QPRT: variants seen among roughly 807,000 people sequenced by gnomAD.
The protein encoded by QPRT is nicotinate-nucleotide pyrophosphorylase [carboxylating].
QPRT carries 17 observed loss-of-function variants against 19.8 expected under a neutral mutation model. The ratio of observed to expected loss-of-function variants is 0.86; its 90% CI spans 0.59 to 1.29. The LOEUF (loss-of-function observed/expected upper bound fraction) is 1.29. Ranked by LOEUF, QPRT falls within the 50% of genes most tolerant of loss-of-function variation. QPRT has a pLI of 0.00. For missense variants in QPRT, 336 were observed against 405.1 expected (o/e 0.83, Z 1.46); for synonymous variants, 178 against 191.0 (o/e 0.93, Z 0.56).
At chr16:29,695,627 T>C (rs1158710238) in intron 2 of QPRT, among the ~76,000 whole-genome samples, 4 of 151,224 alleles carry the variant, frequency 2.6e-5, no homozygotes, top group Admixed American at 6.6e-5. Context: ...GTAGCTGGGA[T>C]TACAGGCGCC....
At chr16:29,681,980 G>A (rs1328429642) in intron 1 of QPRT, among the ~76,000 whole-genome samples, 1 of 151,926 alleles carries the variant, frequency 6.6e-6, no homozygotes, top group Non-Finnish European at 1.5e-5. Flanking sequence ...CTGCCTCCTC[G>A]GCCTCCCAAA....
In QPRT at chr16:29,697,052, C is replaced by T; in HGVS notation, c.606C>T (p.Cys202=). 5 of 1,611,502 alleles carry T rather than the reference C, an allele frequency of 3.1e-6. No homozygotes were observed. Among genetic ancestry groups the T allele is most frequent in the East Asian group, 4.5e-5 (2 of 44,840 alleles). ...ADFTLKVEVE[C]SSLQEAVQAA... ...TCACTCTGAAGGTGGAAGTGGAATG[C>T]AGCAGCCTGCAGGAGGCCGTGCAGG... The change falls in exon 3 of 4, where the codon TGC becomes TGT. Residue 202 remains cysteine, a synonymous_variant. Coordinates refer to ENST00000395384, the MANE Select transcript of QPRT (RefSeq NM_014298.6). The surrounding 1 kb of genome is among the most constrained non-coding windows in gnomAD (Gnocchi z 4.4).
Position 29,695,168 on chromosome 16 carries a change from AC to A in QPRT, c.520del (p.His174MetfsTer23), listed in dbSNP as rs1263633127. 6.4e-7 allele frequency: 1 copy of A among 1,565,626 alleles called. No homozygotes were observed. Among genetic ancestry groups the A allele is most frequent in the Non-Finnish European group, 8.7e-7 (1 of 1,155,310 alleles). On this transcript the variant is annotated frameshift_variant, in exon 2 of 4. Transcript: ENST00000395384. LOFTEE classifies it high-confidence loss of function. ...DLGGLVMVKD[N>X]HVVAAGGVEK... is the part of the protein sequence containing the mutation. The stretch of plus-strand genomic sequence containing the variant: ...GGAGGGCTGGTGATGGTGAAGGATA[AC>A]CATGTGGTGGCCGCCGGTGGCGTGG...
intron 1 of QPRT, among the ~76,000 whole-genome samples, chr16:29,683,199 A>AT (rs112018070): frequency 4.0e-5 from 6 of 151,298 alleles, no homozygotes; most frequent in South Asian, 2.1e-4. Context: ...TAAATTTTGT[A>AT]TTTTTTTAGT....
chr16:29,684,840 G>A (rs1167553611), intron 1 of QPRT, among the ~76,000 whole-genome samples: 1 of 152,234 alleles, frequency 6.6e-6, no homozygotes, highest in Non-Finnish European at 1.5e-5. Context: ...TTCTGTTCTT[G>A]TGAAATGGGA....
chr16:29,682,562 G>A (rs1651152144), intron 1 of QPRT, among the ~76,000 whole-genome samples: 1 of 150,350 alleles, frequency 6.7e-6, no homozygotes, highest in Non-Finnish European at 1.5e-5. Context: ...TTTTTTTTTA[G>A]TAGAGATGGG....
chr16:29,682,515 G>T (rs1967038876), intron 1 of QPRT, among the ~76,000 whole-genome samples: 1 of 151,876 alleles, frequency 6.6e-6, no homozygotes, highest in Non-Finnish European at 1.5e-5. Flanking sequence ...TGGGGATACA[G>T]GTGCCCACCA....
intron 1 of QPRT, among the ~76,000 whole-genome samples, chr16:29,687,208 C>G (rs753403428): frequency 2.1e-4 from 32 of 152,188 alleles, no homozygotes; most frequent in Non-Finnish European, 4.0e-4. Context: ...CCCATCATCA[C>G]AGTCTACGGC....
intron 1 of QPRT, among the ~76,000 whole-genome samples, chr16:29,691,107 G>A (rs1967313393): frequency 6.6e-6 from 1 of 151,078 alleles, no homozygotes; most frequent in East Asian, 2.0e-4. Context: ...GCTCACGCCT[G>A]TAATCCCAGC....
At chr16:29,695,231 C>G (rs1967493268) in intron 2 of QPRT, 32 bp downstream of exon 2, 1 of 1,498,654 alleles carries the variant, frequency 6.7e-7, no homozygotes, top group African/African-American at 1.4e-5. Flanking sequence ...GGTCCAACCC[C>G]ACCCTCAGCA....
intron 1 of QPRT, among the ~76,000 whole-genome samples, chr16:29,691,416 ACTC>A (rs1230941623): frequency 1.4e-5 from 2 of 145,638 alleles, no homozygotes; most frequent in African/African-American, 5.1e-5. Context: ...ACAGTGGCTC[ACTC>A]CTGTAATCCC....
At chr16:29,691,500 T>C (rs988908951) in intron 1 of QPRT, among the ~76,000 whole-genome samples, 2 of 150,124 alleles carry the variant, frequency 1.3e-5, no homozygotes, top group Admixed American at 6.7e-5. Context: ...GGGAATATAG[T>C]GAGACCCCCA....
intron 1 of QPRT, among the ~76,000 whole-genome samples, chr16:29,680,220 T>C (rs934723059): frequency 9.9e-5 from 15 of 152,194 alleles, no homozygotes; most frequent in African/African-American, 3.4e-4. Context: ...CCTCCCAAAG[T>C]GCTGGGATTA....
Position 29,694,649 on chromosome 16 carries a change from C to G in QPRT, c.14-15C>G. The G allele has an allele frequency of 6.6e-7, 1 of 1,516,570 alleles. No individual in the cohort carries two copies. Among genetic ancestry groups the G allele is most frequent in the Non-Finnish European group, 8.8e-7 (1 of 1,133,992 alleles). 93.9% of individuals were successfully genotyped at this position (1,516,570 alleles called of 1,614,324 possible). A position where few individuals can be genotyped will look rare whatever the true frequency, so the allele number is the denominator to read the frequency against. ...GAGGCAGCCAAACTCAACAGCTGTT[C>G]TCTCTTCCCCCCAGGCCTGGCGCTG... On this transcript the variant is annotated splice_polypyrimidine_tract_variant and intron_variant, in intron 1 of 3. Transcript: ENST00000395384.
In QPRT at chr16:29,697,089, G is replaced by C. The variant is rs1967563453; in HGVS notation, c.643G>C (p.Gly215Arg). ...LQEAVQAAEA[G>R]ADLVLLDNFK... is the part of the protein sequence containing the mutation. Reference sequence around the variant, plus strand: ...GGAGGCCGTGCAGGCAGCTGAGGCTGGTGCCGACCTTGTCCTGCTGGACAA... The same window carrying C: ...GGAGGCCGTGCAGGCAGCTGAGGCTCGTGCCGACCTTGTCCTGCTGGACAA... Residue 215 changes from glycine (G) to arginine (R), a missense_variant, in exon 3 of 4, where the codon GGT becomes CGT. Coordinates refer to ENST00000395384, the MANE Select transcript of QPRT (RefSeq NM_014298.6). The surrounding 1 kb of genome is among the most constrained non-coding windows in gnomAD (Gnocchi z 4.4). 3 of 1,611,098 alleles carry C rather than the reference G, an allele frequency of 1.9e-6. No individual in the cohort carries two copies. The highest frequency in any genetic ancestry group is 2.5e-6 in the Non-Finnish European group (3 of 1,178,588).
chr16:29,681,725 CTT>C (rs78056788), intron 1 of QPRT, among the ~76,000 whole-genome samples: 6 of 87,058 alleles, frequency 6.9e-5, no homozygotes, highest in Admixed American at 1.2e-4. Context: ...GATCCAGATT[CTT>C]TTTTTTTTTT....
intron 1 of QPRT, among the ~76,000 whole-genome samples, chr16:29,680,546 C>G (rs1966969214): frequency 2.0e-5 from 3 of 152,182 alleles, no homozygotes; most frequent in South Asian, 2.1e-4. Flanking sequence ...GGTCCATGCT[C>G]TACGCTCAGA....
rs572834116 is a variant in QPRT at position 29,694,746 on chromosome 16, C to T, written c.96C>T (p.Tyr32=). The T allele has an allele frequency of 1.1e-5, 17 of 1,609,868 alleles. No homozygotes were observed. Among genetic ancestry groups the T allele is most frequent in the South Asian group, 2.2e-5 (2 of 90,400 alleles). The change falls in exon 2 of 4, where the codon TAC becomes TAT. Residue 32 remains tyrosine (Y), a synonymous_variant. Transcript: ENST00000395384. ...GAGAGGACTGCCCAGGGCTCAACTA[C>T]GCAGCCTTGGTCAGCGGGGCAGGCC... ...WLREDCPGLN[Y]AALVSGAGPS...
chr16:29,685,983 C>A (rs186299624), intron 1 of QPRT, among the ~76,000 whole-genome samples: 1 of 152,132 alleles, frequency 6.6e-6, no homozygotes, highest in Non-Finnish European at 1.5e-5. Flanking sequence ...GCCTCAGCCT[C>A]CTGAGTAGTT....
Sources: gnomAD v4.1 joint callset for allele counts (sites outside exome capture counted in the v4.1 genomes callset) on GRCh38, gnomAD v4.1.1 for gene constraint, Gnocchi (gnomAD v3.1) non-coding constraint, MANE v1.5 for transcripts, NCBI Gene and HGNC (gene_info 2026-07-23, HGNC 2026-07-21) for gene names.